Variants in ST3GAL4 observed in about 807,000 individuals in gnomAD.
ST3GAL4 encodes the protein CMP-N-acetylneuraminate-beta-galactosamide-alpha-2,3-sialyltransferase 4.
ST3GAL4 carries 24 observed loss-of-function variants against 42.6 expected under a neutral mutation model. The observed-to-expected ratio is 0.56, with a 90% CI of 0.41 to 0.79. The LOEUF (loss-of-function observed/expected upper bound fraction) is 0.79. Ranked by LOEUF, ST3GAL4 falls within the 30% of genes least tolerant of loss-of-function variation. ST3GAL4 has a pLI of 0.00. For missense variants in ST3GAL4, 311 were observed against 430.8 expected (o/e 0.72, Z 2.46); for synonymous variants, 135 against 163.2 (o/e 0.83, Z 1.32).
intron 7 of ST3GAL4, 23 bp from the exon 8 acceptor site, chr11:126,408,284 G>A (rs1484986524): frequency 1.2e-6 from 2 of 1,612,996 alleles, no homozygotes; most frequent in East Asian, 2.2e-5. Flanking sequence ...TCTAGTGATG[G>A]GAATCCTCCT....
At chr11:126,413,437 A>G (rs1401975777) in intron 9 of ST3GAL4, 68 bp from the exon 10 acceptor site, 2 of 1,580,554 alleles carry the variant, frequency 1.3e-6, no homozygotes, top group Non-Finnish European at 1.7e-6. Context: ...TCCACTGCAG[A>G]GCGCTGGCAG....
intron 1 of ST3GAL4, among the ~76,000 whole-genome samples, chr11:126,401,743 A>G (rs11220473): frequency 0.52 from 79,465 of 151,738 alleles, 21,441 homozygotes; most frequent in East Asian, 0.89. Context: ...ACCTTTCTTA[A>G]GTTTGGCAAT....
intron 1 of ST3GAL4, among the ~76,000 whole-genome samples, chr11:126,371,802 C>T (rs1467793781): frequency 1.3e-5 from 2 of 152,208 alleles, no homozygotes; most frequent in African/African-American, 2.4e-5. Context: ...AATGCAATCG[C>T]CAGATTGTAA....
rs1282887078 is a variant in ST3GAL4, at chr11:126,406,055, TTTG to T, written c.-60-39_-60-37del. The stretch of plus-strand genomic sequence containing the variant: ...CTGCTCCAGTGTCTAGGCAGGAGAG[TTTG>T]TGAAGCTGACCGGACACCTGTGGCT... On this transcript the variant is annotated intron_variant, in intron 1 of 10. Coordinates refer to ENST00000444328, the MANE Select transcript of ST3GAL4 (RefSeq NM_001254757.2). The surrounding 1 kb of genome is among the most constrained non-coding windows in gnomAD (Gnocchi z 5.4). 6 of 1,549,532 alleles carry T rather than the reference TTTG, an allele frequency of 3.9e-6. No individual in the cohort carries two copies. In the Admixed American group the frequency reaches 1.2e-4, roughly 30 times the overall value.
At chr11:126,380,564 CTG>C (rs1952957549) in intron 1 of ST3GAL4, among the ~76,000 whole-genome samples, 1 of 152,148 alleles carries the variant, frequency 6.6e-6, no homozygotes, top group Non-Finnish European at 1.5e-5. Context: ...TCAGTTGACT[CTG>C]TTAATTTAGC....
At chr11:126,370,466 A>G (rs1952598616) in intron 1 of ST3GAL4, among the ~76,000 whole-genome samples, 1 of 151,964 alleles carries the variant, frequency 6.6e-6, no homozygotes. Context: ...TTGTTTGGGG[A>G]GTGGGGGGTA....
At position 126,406,324 on chromosome 11, in the gene ST3GAL4, C is replaced by T. The variant is rs1012603948; in HGVS notation, c.17-149C>T. Reference sequence around the variant, plus strand: ...GAAGGACAGTGGGTACAATCAGGGTCAAGCCCTCAGCCAGGGCCAGGAGAG... The same window carrying T: ...GAAGGACAGTGGGTACAATCAGGGTTAAGCCCTCAGCCAGGGCCAGGAGAG... On this transcript the variant is annotated intron_variant, in intron 2 of 10. Coordinates refer to ENST00000444328, the MANE Select transcript of ST3GAL4 (RefSeq NM_001254757.2). This position sits in a 1 kb window ranked among gnomAD's most constrained non-coding sequence, Gnocchi z 5.4. 6.5e-7 allele frequency: 1 copy of T among 1,539,482 alleles called. No individual in the cohort carries two copies. Among genetic ancestry groups the T allele is most frequent in the African/African-American group, 1.4e-5 (1 of 73,130 alleles).
chr11:126,407,045 G>C, intron 4 of ST3GAL4, 22 bp downstream of exon 4: 2 of 1,606,418 alleles, frequency 1.2e-6, no homozygotes, highest in Non-Finnish European at 1.7e-6. Flanking sequence ...AGGATGAGGA[G>C]GGTAGAGCAG....
rs1952308050 is a variant in ST3GAL4, at chr11:126,363,235, A to G, written c.-61+7393A>G. Among the ~76,000 whole-genome samples, 1 of 152,072 alleles carries G rather than the reference A, an allele frequency of 6.6e-6. No individual in the cohort carries two copies. ...TGTTTGAGCCGTGCTCTTCTTCTTC[A>G]ATCCCTTTCTGTCTGCCTTCTCTTT... On this transcript the variant is annotated intron_variant, in intron 1 of 10. Transcript: ENST00000444328. This position sits in a 1 kb window ranked among gnomAD's most constrained non-coding sequence, Gnocchi z 4.6.
Position 126,366,937 on chromosome 11 carries a change from T to A in ST3GAL4, c.-61+11095T>A, listed in dbSNP as rs551175368. Among the ~76,000 whole-genome samples the A allele has an allele frequency of 1.3e-5, 2 of 152,172 alleles. No individual in the cohort carries two copies. The highest frequency in any genetic ancestry group is 1.3e-4 in the Admixed American group (2 of 15,284). ...TTTGTGGCACCTGCAGGGCTGAACG[T>A]TGCCTTTGCTGTCCCTGCTTGGGGA... is the stretch of plus-strand genomic sequence containing the variant. On this transcript the variant is annotated intron_variant, in intron 1 of 10. Coordinates refer to ENST00000444328, the MANE Select transcript of ST3GAL4 (RefSeq NM_001254757.2). This position sits in a 1 kb window ranked among gnomAD's most constrained non-coding sequence, Gnocchi z 4.2.
At position 126,379,526 on chromosome 11, in the gene ST3GAL4, G is replaced by A. The variant is rs1013137126; in HGVS notation, c.-61+23684G>A. 1.9e-4 allele frequency among the ~76,000 whole-genome samples: 29 copies of A among 152,090 alleles called. No homozygotes were observed. Among genetic ancestry groups the A allele is most frequent in the Non-Finnish European group, 4.0e-4 (27 of 68,030 alleles). On this transcript the variant is annotated intron_variant, in intron 1 of 10. Transcript: ENST00000444328. This position sits in a 1 kb window ranked among gnomAD's most constrained non-coding sequence, Gnocchi z 4.2. ...GAGTTTCTCTCTTGTTGCCCAGGCT[G>A]CAGTGCAGTGGCACGATCTTGGCTC...
At chr11:126,364,223 A>G (rs978753593) in intron 1 of ST3GAL4, among the ~76,000 whole-genome samples, 1 of 151,784 alleles carries the variant, frequency 6.6e-6, no homozygotes, top group Non-Finnish European at 1.5e-5. Flanking sequence ...AGCCCCTTAC[A>G]TAACCAGGGG....
rs1303539071 is a variant in ST3GAL4 at position 126,383,887 on chromosome 11, T to C, written c.-60-22209T>C. 1.3e-5 allele frequency among the ~76,000 whole-genome samples: 2 copies of C among 152,146 alleles called. No individual in the cohort carries two copies. The highest frequency in any genetic ancestry group is 4.8e-5 in the African/African-American group (2 of 41,444). On this transcript the variant is annotated intron_variant, in intron 1 of 10. Coordinates refer to ENST00000444328, the MANE Select transcript of ST3GAL4 (RefSeq NM_001254757.2). This position sits in a 1 kb window ranked among gnomAD's most constrained non-coding sequence, Gnocchi z 4.5. Reference sequence around the variant, plus strand: ...CTTTACTCTGAGGGGGTGGGCTTCCTGCGGGGGACAAACTGGAGAGGGACT... The same window carrying C: ...CTTTACTCTGAGGGGGTGGGCTTCCCGCGGGGGACAAACTGGAGAGGGACT...
chr11:126,374,454 CAAAAAAAAAAAAAA>C (rs869295718), intron 1 of ST3GAL4, among the ~76,000 whole-genome samples: 59 of 63,208 alleles, frequency 9.3e-4, no homozygotes, highest in African/African-American at 3.2e-3. Flanking sequence ...ACTTTGTCTC[CAAAAAAAAAAAAAA>C]AAAAAAAAAA....
At position 126,386,150 on chromosome 11, in the gene ST3GAL4, C is replaced by T. The variant is rs1320384608; in HGVS notation, c.-60-19946C>T. Among the ~76,000 whole-genome samples the T allele has an allele frequency of 6.6e-6, 1 of 152,196 alleles. No homozygotes were observed. The highest frequency in any genetic ancestry group is 6.5e-5 in the Admixed American group (1 of 15,292). On this transcript the variant is annotated intron_variant, in intron 1 of 10. Coordinates refer to ENST00000444328, the MANE Select transcript of ST3GAL4 (RefSeq NM_001254757.2). The surrounding 1 kb of genome is among the most constrained non-coding windows in gnomAD (Gnocchi z 4.7). ...GGCCTCCGGTTTATAGCCGGCTCCT[C>T]AGAGACATGGTTCTATCCCCCCAGT...
chr11:126,403,256 A>C (rs916915227), intron 1 of ST3GAL4: 4 of 475,154 alleles, frequency 8.4e-6, no homozygotes, highest in Non-Finnish European at 1.1e-5. Flanking sequence ...TTTGGAATGA[A>C]GACAAGACAA....
intron 1 of ST3GAL4, among the ~76,000 whole-genome samples, chr11:126,371,979 T>C (rs1426361936): frequency 1.3e-5 from 2 of 152,248 alleles, no homozygotes; most frequent in Non-Finnish European, 2.9e-5. Flanking sequence ...GGTGTTTGAA[T>C]TTAATCTGTG....
In ST3GAL4 at chr11:126,408,112, C is replaced by T. The variant is rs768237243; in HGVS notation, c.355C>T (p.Arg119Cys). Residue 119 changes from arginine to cysteine, a missense_variant, in exon 7 of 11, where the codon CGC becomes TGC. By Grantham distance (180) the Arg-to-Cys change is radical. Transcript: ENST00000444328. ...PKNIQSLRCRRCVVVGNGHRL... is the reference protein window; with the variant it reads ...PKNIQSLRCRCCVVVGNGHRL... ...TTTCTATGGCAGCCTCAGGTGCCGC[C>T]GCTGTGTGGTCGTGGGGAACGGGCA... 1.8e-5 allele frequency: 29 copies of T among 1,613,840 alleles called. No homozygotes were observed. In the African/African-American group the frequency reaches 2.0e-4, roughly 11 times the overall value.
chr11:126,392,275 C>G lies in ST3GAL4; in HGVS notation c.-60-13821C>G. On this transcript the variant is annotated intron_variant, in intron 1 of 10. Transcript: ENST00000444328. The surrounding 1 kb of genome is among the most constrained non-coding windows in gnomAD (Gnocchi z 5.8). ...GATTTCCTGGGTATTAGGGTGTCCT[C>G]AAGCCTGCAGCTCTCCTGGGACTGC... 17 of 979,648 alleles carry G rather than the reference C, an allele frequency of 1.7e-5. No individual in the cohort carries two copies. The highest frequency in any genetic ancestry group is 1.9e-5 in the Non-Finnish European group (16 of 824,238). The allele number at this position is 979,648 out of a possible 1,614,324, so 60.7% of individuals were successfully genotyped here. A position where few individuals can be genotyped will look rare whatever the true frequency, so the allele number is the denominator to read the frequency against.
Sources: allele counts gnomAD v4.1 joint callset (sites outside exome capture counted in the v4.1 genomes callset), GRCh38; gene constraint gnomAD v4.1.1; non-coding constraint Gnocchi (gnomAD v3.1); transcripts MANE v1.5; gene names NCBI Gene and HGNC (gene_info 2026-07-23, HGNC 2026-07-21).